Variants in ARHGAP25 observed in about 807,000 individuals in gnomAD.
ARHGAP25 encodes the protein rho GTPase-activating protein 25.
In ARHGAP25, 34 loss-of-function variants were observed where a neutral mutation model predicts 71.0. That is an observed-to-expected ratio of 0.48 (90% CI 0.36 to 0.64). ARHGAP25 has a LOEUF of 0.64. Ranked by LOEUF, ARHGAP25 falls within the 30% of genes least tolerant of loss-of-function variation. The pLI, the probability that ARHGAP25 is intolerant of heterozygous loss-of-function variation, is 0.00. For synonymous variants in ARHGAP25, 282 were observed against 296.5 expected, an observed-to-expected ratio of 0.95 and a Z score of 0.50; for missense variants, 706 against 805.1, an observed-to-expected ratio of 0.88 and a Z score of 1.49.
At chr2:68,740,593 C>T (rs968448957) in intron 1 of ARHGAP25, among the ~76,000 whole-genome samples, 4 of 152,160 alleles carry the variant, frequency 2.6e-5, no homozygotes, top group Non-Finnish European at 5.9e-5. Flanking sequence ...ATCTTGTCCA[C>T]GGGGAGTCTC....
At chr2:68,774,993 G>A (rs1677768129) in intron 1 of ARHGAP25, 3 of 1,444,108 alleles carry the variant, frequency 2.1e-6, no homozygotes, top group Non-Finnish European at 1.8e-6. Flanking sequence ...GCCACCGACT[G>A]CAGCCTGGGT....
At chr2:68,781,088 A>G (rs1458985785) in intron 2 of ARHGAP25, among the ~76,000 whole-genome samples, 1 of 152,104 alleles carries the variant, frequency 6.6e-6, no homozygotes, top group African/African-American at 2.4e-5. Flanking sequence ...GTGGGGGTCT[A>G]ATGAATTATC....
intron 9 of ARHGAP25, among the ~76,000 whole-genome samples, chr2:68,821,187 C>G (rs1204211837): frequency 6.7e-6 from 1 of 149,852 alleles, no homozygotes; most frequent in South Asian, 2.1e-4. Context: ...GCCTTGACCT[C>G]CTGCTGAGGC....
At chr2:68,737,104 C>T (rs1675263263) in intron 1 of ARHGAP25, among the ~76,000 whole-genome samples, 1 of 152,090 alleles carries the variant, frequency 6.6e-6, no homozygotes, top group Non-Finnish European at 1.5e-5. Flanking sequence ...TTGTCATTAT[C>T]CATGCTATCT....
intron 2 of ARHGAP25, 71 bp downstream of exon 2, chr2:68,775,491 C>T: frequency 6.2e-7 from 1 of 1,606,160 alleles, no homozygotes; most frequent in Non-Finnish European, 8.5e-7. Flanking sequence ...TGGGATTTCA[C>T]TTAAACTCAC....
intron 1 of ARHGAP25, among the ~76,000 whole-genome samples, chr2:68,751,192 G>A (rs1256800783): frequency 6.6e-6 from 1 of 152,148 alleles, no homozygotes; most frequent in Non-Finnish European, 1.5e-5. Flanking sequence ...CTGAGCCCAG[G>A]GAGGGTGCAG....
intron 2 of ARHGAP25, among the ~76,000 whole-genome samples, chr2:68,728,073 G>A (rs1375818261): frequency 2.0e-5 from 3 of 152,214 alleles, no homozygotes; most frequent in Non-Finnish European, 2.9e-5. Flanking sequence ...GCAAAAGTAG[G>A]AAAGTTTCAG....
intron 4 of ARHGAP25, among the ~76,000 whole-genome samples, chr2:68,794,212 G>T (rs1008844699): frequency 6.6e-6 from 1 of 152,012 alleles, no homozygotes; most frequent in Non-Finnish European, 1.5e-5. Context: ...CATCATCAGC[G>T]AATAGGGATA....
At chr2:68,726,694 G>A (rs917703091) in intron 2 of ARHGAP25, among the ~76,000 whole-genome samples, 14 of 152,158 alleles carry the variant, frequency 9.2e-5, no homozygotes, top group African/African-American at 3.1e-4. Context: ...CAGATCCAAT[G>A]CCAGGGACCT....
chr2:68,817,308 T>C (rs1187384828), intron 7 of ARHGAP25, among the ~76,000 whole-genome samples: 1 of 152,248 alleles, frequency 6.6e-6, no homozygotes, highest in East Asian at 1.9e-4. Context: ...AGAAATTCCC[T>C]GTTTTTACAG....
At chr2:68,804,167 G>A (rs1680197740) in intron 4 of ARHGAP25, among the ~76,000 whole-genome samples, 1 of 152,204 alleles carries the variant, frequency 6.6e-6, no homozygotes, top group South Asian at 2.1e-4. Context: ...ATATTAAGGT[G>A]CAAGAAGGAG....
intron 4 of ARHGAP25, 135 bp from the exon 5 acceptor site, chr2:68,807,138 G>A: frequency 1.3e-6 from 1 of 781,548 alleles, no homozygotes; most frequent in Non-Finnish European, 2.1e-6. Context: ...AATATTCTGA[G>A]TGATTTATCT....
chr2:68,807,108 C>T (rs772975440), intron 4 of ARHGAP25, 165 bp from the exon 5 acceptor site: 151 of 643,446 alleles, frequency 2.3e-4, no homozygotes, highest in Middle Eastern at 7.7e-4. Context: ...ATTTACAGGC[C>T]CCTATTTATA....
chr2:68,718,447 A>G (rs987329670), intron 2 of ARHGAP25, among the ~76,000 whole-genome samples: 1 of 152,186 alleles, frequency 6.6e-6, no homozygotes, highest in Non-Finnish European at 1.5e-5. Flanking sequence ...ATAATCCAGC[A>G]TGGCATCCCC....
At chr2:68,776,244 G>A (rs1266563097) in intron 2 of ARHGAP25, among the ~76,000 whole-genome samples, 1 of 151,874 alleles carries the variant, frequency 6.6e-6, no homozygotes, top group South Asian at 2.1e-4. Flanking sequence ...AAGCAAGAGG[G>A]TAGTCAGGGG....
At chr2:68,775,741 C>A (rs573763576) in intron 2 of ARHGAP25, 67 of 528,796 alleles carry the variant, frequency 1.3e-4, no homozygotes, top group Admixed American at 8.0e-4. Flanking sequence ...TTCAGGAAAA[C>A]CGATTTTGGG....
chr2:68,743,544 C>A (rs1196810142), intron 1 of ARHGAP25, among the ~76,000 whole-genome samples: 1 of 152,216 alleles, frequency 6.6e-6, no homozygotes, highest in Non-Finnish European at 1.5e-5. Context: ...TGTCATTCTG[C>A]ATTTGATTCC....
chr2:68,736,366 A>T (rs1332251285), intron 1 of ARHGAP25, among the ~76,000 whole-genome samples: 1 of 152,196 alleles, frequency 6.6e-6, no homozygotes, highest in Non-Finnish European at 1.5e-5. Context: ...GAGAAAAGGT[A>T]ATGTTCATAC....
At chr2:68,773,307 G>A (rs1042653686) in intron 1 of ARHGAP25, among the ~76,000 whole-genome samples, 3 of 152,216 alleles carry the variant, frequency 2.0e-5, no homozygotes, top group Non-Finnish European at 4.4e-5. Context: ...GGCGTAGAAG[G>A]AGATAGAAAT....
Sources: gnomAD v4.1 joint callset for allele counts (sites outside exome capture counted in the v4.1 genomes callset) on GRCh38, gnomAD v4.1.1 for gene constraint, MANE v1.5 for transcripts, NCBI Gene and HGNC (gene_info 2026-07-23, HGNC 2026-07-21) for gene names.